CNTLN: variants seen among roughly 807,000 people sequenced by gnomAD.
The protein encoded by CNTLN is centlein.
In CNTLN, 212 loss-of-function variants were observed where a neutral mutation model predicts 180.0. The ratio of observed to expected loss-of-function variants is 1.18; its 90% CI spans 1.05 to 1.32. The LOEUF is 1.32. Among genes scored for constraint, CNTLN ranks in the 40% most tolerant of loss-of-function variants. CNTLN has a pLI of 0.00. For missense variants in CNTLN, 2,095 were observed against 1,610.9 expected, an observed-to-expected ratio of 1.30 and a Z score of -5.14; for synonymous variants, 722 against 563.1, an observed-to-expected ratio of 1.28 and a Z score of -3.99.
chr9:17,426,962 C>T (rs1229364651), intron 18 of CNTLN, among the ~76,000 whole-genome samples: 2 of 152,254 alleles, frequency 1.3e-5, no homozygotes, highest in East Asian at 3.9e-4. Flanking sequence ...CAGATATAAA[C>T]ATTCCCAGTA....
intron 23 of CNTLN, among the ~76,000 whole-genome samples, chr9:17,481,673 T>C (rs1043643595): frequency 2.0e-5 from 3 of 152,156 alleles, no homozygotes; most frequent in Non-Finnish European, 4.4e-5. Context: ...TGTGGATGAT[T>C]ATGAAGCCTA....
At chr9:17,349,126 T>G (rs1822160826) in intron 12 of CNTLN, among the ~76,000 whole-genome samples, 1 of 152,204 alleles carries the variant, frequency 6.6e-6, no homozygotes, top group South Asian at 2.1e-4. Flanking sequence ...GTTCCACTAC[T>G]CCTGAGCTCC....
At chr9:17,494,322 A>G (rs886777508) in intron 25 of CNTLN, among the ~76,000 whole-genome samples, 3 of 152,298 alleles carry the variant, frequency 2.0e-5, no homozygotes, top group Non-Finnish European at 4.4e-5. Flanking sequence ...AGACCACACT[A>G]TACAATGGTG....
intron 25 of CNTLN, among the ~76,000 whole-genome samples, chr9:17,499,786 C>G (rs533805198): frequency 1.1e-4 from 17 of 152,014 alleles, no homozygotes; most frequent in Non-Finnish European, 2.2e-4. Flanking sequence ...TTAATTATGA[C>G]TGAGCCTTAT....
chr9:17,431,162 T>C (rs763561589), intron 18 of CNTLN, among the ~76,000 whole-genome samples: 7 of 152,114 alleles, frequency 4.6e-5, no homozygotes, highest in Non-Finnish European at 8.8e-5. Flanking sequence ...AATTTGCATG[T>C]CCATCAATAG....
At chr9:17,443,435 G>C (rs1237443349) in intron 18 of CNTLN, among the ~76,000 whole-genome samples, 3 of 152,238 alleles carry the variant, frequency 2.0e-5, no homozygotes, top group Non-Finnish European at 2.9e-5. Context: ...AAGGGAAGTT[G>C]TATTACAATT....
At chr9:17,482,629 A>G (rs1294729284) in intron 23 of CNTLN, among the ~76,000 whole-genome samples, 1 of 152,214 alleles carries the variant, frequency 6.6e-6, no homozygotes, top group East Asian at 1.9e-4. Flanking sequence ...AAACCAAACA[A>G]GCAAGAACAG....
At chr9:17,283,852 T>C (rs1300005315) in intron 6 of CNTLN, among the ~76,000 whole-genome samples, 1 of 152,158 alleles carries the variant, frequency 6.6e-6, no homozygotes. Context: ...ATTGAGATGA[T>C]CATGTGTTTG....
At chr9:17,460,579 C>G (rs1831393414) in intron 19 of CNTLN, among the ~76,000 whole-genome samples, 1 of 151,680 alleles carries the variant, frequency 6.6e-6, no homozygotes. Flanking sequence ...TTCTACCCAT[C>G]TGATAAAAAT....
intron 16 of CNTLN, 61 bp downstream of exon 16, chr9:17,409,534 A>C (rs753232091): frequency 2.8e-5 from 34 of 1,204,322 alleles, no homozygotes; most frequent in Non-Finnish European, 3.7e-5. Context: ...TATGCTTTAT[A>C]ACTTAAGTAA....
At chr9:17,486,582 A>G (rs749497886) in intron 24 of CNTLN, among the ~76,000 whole-genome samples, 9 of 152,036 alleles carry the variant, frequency 5.9e-5, no homozygotes, top group African/African-American at 9.7e-5. Flanking sequence ...GTAATGAACA[A>G]TTACTCCTTA....
chr9:17,319,415 A>C (rs952543904), intron 8 of CNTLN, among the ~76,000 whole-genome samples: 21 of 152,228 alleles, frequency 1.4e-4, no homozygotes, highest in African/African-American at 4.6e-4. Flanking sequence ...GTGGAAAGTG[A>C]AATATACAGT....
chr9:17,221,988 G>A (rs909757167), intron 2 of CNTLN, among the ~76,000 whole-genome samples: 37 of 151,702 alleles, frequency 2.4e-4, no homozygotes, highest in African/African-American at 8.2e-4. Context: ...CTATATGTAC[G>A]CTTCAAGCCT....
chr9:17,427,124 A>T (rs1195414398), intron 18 of CNTLN, among the ~76,000 whole-genome samples: 1 of 152,036 alleles, frequency 6.6e-6, no homozygotes, highest in Non-Finnish European at 1.5e-5. Flanking sequence ...TCCGAGCCCA[A>T]GGTCAAAGTT....
At chr9:17,293,621 TC>T (rs1377684904) in intron 6 of CNTLN, among the ~76,000 whole-genome samples, 1 of 152,182 alleles carries the variant, frequency 6.6e-6, no homozygotes, top group Non-Finnish European at 1.5e-5. Context: ...CATCTAGTCT[TC>T]CTGGCACTGG....
chr9:17,450,873 G>A (rs924765807), intron 18 of CNTLN, among the ~76,000 whole-genome samples: 25 of 151,906 alleles, frequency 1.6e-4, no homozygotes, highest in Non-Finnish European at 3.4e-4. Context: ...TTCTCTTAGT[G>A]ATCTCAAGTA....
chr9:17,508,704 A>G (rs1167397685), downstream of CNTLN, among the ~76,000 whole-genome samples: 1 of 152,230 alleles, frequency 6.6e-6, no homozygotes, highest in African/African-American at 2.4e-5. Context: ...AGAGAGCATA[A>G]TGTCCTTGAA....
Position 17,137,519 on chromosome 9 carries a change from A to C in CNTLN, c.360+2094A>C, listed in dbSNP as rs560760915. On this transcript the variant is annotated intron_variant, in intron 1 of 25. Coordinates refer to ENST00000380647, the MANE Select transcript of CNTLN (RefSeq NM_017738.4). ...TTTTGTATCTCAATCTAGTAAGTAC[A>C]CACATATACAAACATATATTTTCAG... 2.2e-4 allele frequency among the ~76,000 whole-genome samples: 33 copies of C among 152,328 alleles called. No homozygotes were observed. The East Asian group carries it at 6.2e-3, about 28-fold the overall frequency.
At chr9:17,494,679 C>T (rs1384859933) in intron 25 of CNTLN, among the ~76,000 whole-genome samples, 1 of 152,016 alleles carries the variant, frequency 6.6e-6, no homozygotes, top group East Asian at 1.9e-4. Context: ...CTGAAAAATT[C>T]TTATCCACAA....
Sources: allele counts gnomAD v4.1 joint callset (sites outside exome capture counted in the v4.1 genomes callset), GRCh38; gene constraint gnomAD v4.1.1; transcripts MANE v1.5; gene names NCBI Gene and HGNC (gene_info 2026-07-23, HGNC 2026-07-21).